USP46: variants seen among roughly 807,000 people sequenced by gnomAD.
The protein encoded by USP46 is ubiquitin specific peptidase 46.
Under a neutral mutation model 44.4 loss-of-function variants are expected in USP46, and 12 were observed. The ratio of observed to expected loss-of-function variants is 0.27; its 90% CI spans 0.17 to 0.44. The LOEUF is 0.44. USP46 is among the 20% of genes least tolerant of loss of function. The pLI, the probability that USP46 is intolerant of heterozygous loss-of-function variation, is 1.00. For missense variants in USP46, 248 were observed against 444.8 expected (o/e 0.56, Z 3.98); for synonymous variants, 155 against 161.5 (o/e 0.96, Z 0.31).
At chr4:52,621,005 G>A (rs1717354019) in intron 4 of USP46, among the ~76,000 whole-genome samples, 1 of 152,014 alleles carries the variant, frequency 6.6e-6, no homozygotes. Context: ...TGAGCAAAAG[G>A]CAAAACACAA....
intron 1 of USP46, among the ~76,000 whole-genome samples, chr4:52,648,968 T>C (rs1220509387): frequency 6.6e-6 from 1 of 152,206 alleles, no homozygotes; most frequent in Non-Finnish European, 1.5e-5. Context: ...TGTCCTGTCA[T>C]CCACTACAGC....
intron 1 of USP46, among the ~76,000 whole-genome samples, chr4:52,638,824 C>T (rs1415951059): frequency 1.3e-5 from 2 of 151,928 alleles, no homozygotes; most frequent in African/African-American, 4.8e-5. Context: ...GTCTGGGTAG[C>T]TTCCATGTGC....
intron 1 of USP46, among the ~76,000 whole-genome samples, chr4:52,652,437 A>C (rs951924349): frequency 3.0e-4 from 45 of 152,302 alleles, no homozygotes; most frequent in African/African-American, 1.1e-3. Context: ...ATACACAGGG[A>C]GATGAGTTCA....
Position 52,631,037 on chromosome 4 carries a change from TG to T in USP46, c.117+26del, listed in dbSNP as rs1560404739. The T allele has an allele frequency of 1.9e-6, 3 of 1,541,492 alleles. No homozygotes were observed. The East Asian group carries it at 7.3e-5, about 37-fold the overall frequency. On this transcript the variant is annotated intron_variant, in intron 2 of 8. Coordinates refer to ENST00000441222, the MANE Select transcript of USP46 (RefSeq NM_022832.4). ...GCTTCATATACCCTAAAACATTTGA[TG>T]AAAATAATACATTTTACATACTTAC...
intron 1 of USP46, among the ~76,000 whole-genome samples, chr4:52,633,934 G>GT (rs1336575959): frequency 1.3e-5 from 2 of 152,080 alleles, no homozygotes; most frequent in East Asian, 3.9e-4. Flanking sequence ...ATCAAAGTGA[G>GT]CTCTCTGTGC....
chr4:52,624,267 GAGA>G (rs1344309654), intron 4 of USP46, among the ~76,000 whole-genome samples: 2 of 152,180 alleles, frequency 1.3e-5, no homozygotes, highest in Non-Finnish European at 2.9e-5. Context: ...ATGGGAGGGA[GAGA>G]AGAAGAGAAA....
intron 5 of USP46, among the ~76,000 whole-genome samples, chr4:52,605,377 A>C (rs1716648336): frequency 1.3e-5 from 2 of 152,146 alleles, no homozygotes; most frequent in Admixed American, 6.5e-5. Flanking sequence ...TCAAGATTCT[A>C]CTTAACATTT....
intron 5 of USP46, among the ~76,000 whole-genome samples, chr4:52,609,576 C>T (rs904906219): frequency 6.6e-6 from 1 of 152,174 alleles, no homozygotes; most frequent in African/African-American, 2.4e-5. Context: ...TGAGTGGCAA[C>T]ACCTGGCAGG....
Position 52,619,653 on chromosome 4 carries a change from C to G in USP46, c.561+6365G>C, listed in dbSNP as rs574393302. On this transcript the variant is annotated intron_variant, in intron 4 of 8. Transcript: ENST00000441222. ...TATAGTAACAGAAAAAGCCTGCAGG[C>G]TCTGTGTTTTCTTAGAAAGTACAGG... is the stretch of plus-strand genomic sequence containing the variant. Among the ~76,000 whole-genome samples the G allele has an allele frequency of 3.3e-5, 5 of 152,304 alleles. No homozygotes were observed. The East Asian group carries it at 9.6e-4, about 29-fold the overall frequency.
intron 1 of USP46, among the ~76,000 whole-genome samples, chr4:52,647,692 T>C (rs1175686598): frequency 6.6e-6 from 1 of 152,222 alleles, no homozygotes; most frequent in Non-Finnish European, 1.5e-5. Flanking sequence ...TCAGAAATCA[T>C]AGCTTCTTCC....
chr4:52,597,877 G>T, intron 8 of USP46, 136 bp from the exon 9 acceptor site: 1 of 661,310 alleles, frequency 1.5e-6, no homozygotes, highest in Non-Finnish European at 2.5e-6. Flanking sequence ...ACTTTCAATA[G>T]CAAATGGAGA....
rs1244764817 is a variant in USP46, at chr4:52,623,451, C to T, written c.561+2567G>A. On this transcript the variant is annotated intron_variant, in intron 4 of 8. Transcript: ENST00000441222. The stretch of plus-strand genomic sequence containing the variant: ...AGAGGGCGATAAAGTATATTAAAGG[C>T]TCTAACTGTTGGAAAAGTGGAAACA... Among the ~76,000 whole-genome samples, 4 of 152,112 alleles carry T rather than the reference C, an allele frequency of 2.6e-5. No individual in the cohort carries two copies. In the South Asian group the frequency reaches 8.3e-4, roughly 31 times the overall value.
In USP46 at chr4:52,656,421, G is replaced by A. The variant is rs1718950049; in HGVS notation, c.36+2694C>T. 8 of 1,485,240 alleles carry A rather than the reference G, an allele frequency of 5.4e-6. No homozygotes were observed. In the South Asian group the frequency reaches 1.0e-4, roughly 19 times the overall value. 92.0% of individuals were successfully genotyped at this position (1,485,240 alleles called of 1,614,324 possible). ...TCTCCTCTGGGAAGGAAGACTGGGA[G>A]GGACAGTGGGGGCGGTGGGTGGGGG... On this transcript the variant is annotated intron_variant, in intron 1 of 8. Transcript: ENST00000441222.
chr4:52,631,746 C>T (rs1305067821), intron 1 of USP46, among the ~76,000 whole-genome samples: 1 of 152,126 alleles, frequency 6.6e-6, no homozygotes, highest in Non-Finnish European at 1.5e-5. Flanking sequence ...TGTCTCATGC[C>T]TATAATCCCA....
intron 3 of USP46, 92 bp downstream of exon 3, chr4:52,627,855 TCAA>T: frequency 7.4e-7 from 1 of 1,356,102 alleles, no homozygotes; most frequent in African/African-American, 1.5e-5. Context: ...TTTTCCCTTT[TCAA>T]AAAAATGCCA....
At chr4:52,611,637 G>A (rs1029668560) in intron 4 of USP46, among the ~76,000 whole-genome samples, 1 of 152,098 alleles carries the variant, frequency 6.6e-6, no homozygotes, top group African/African-American at 2.4e-5. Context: ...CTGTAATCAC[G>A]GCTCTTTGGG....
intron 3 of USP46, among the ~76,000 whole-genome samples, chr4:52,626,878 T>C (rs985452477): frequency 1.3e-5 from 2 of 152,212 alleles, no homozygotes; most frequent in African/African-American, 4.8e-5. Flanking sequence ...CAATTTTTAA[T>C]ATGATGTAAC....
At chr4:52,623,770 A>G (rs573453331) in intron 4 of USP46, among the ~76,000 whole-genome samples, 1 of 152,136 alleles carries the variant, frequency 6.6e-6, no homozygotes, top group Admixed American at 6.5e-5. Context: ...TACTAAAAAT[A>G]CAAGAGTTAG....
intron 1 of USP46, among the ~76,000 whole-genome samples, chr4:52,640,844 T>C (rs1472808217): frequency 6.7e-6 from 1 of 148,410 alleles, no homozygotes; most frequent in Non-Finnish European, 1.5e-5. Flanking sequence ...TTTAAAAATA[T>C]AATGAAAGTT....
Sources: gnomAD v4.1 joint callset for allele counts (sites outside exome capture counted in the v4.1 genomes callset) on GRCh38, gnomAD v4.1.1 for gene constraint, MANE v1.5 for transcripts, NCBI Gene and HGNC (gene_info 2026-07-23, HGNC 2026-07-21) for gene names.